GPM6B: variants seen among roughly 807,000 people sequenced by gnomAD.
GPM6B encodes neuronal membrane glycoprotein M6-b.
A neutral mutation model predicts 27.2 loss-of-function variants in GPM6B; 4 were observed. The observed-to-expected ratio is 0.15, with a 90% CI of 0.07 to 0.34. The LOEUF (loss-of-function observed/expected upper bound fraction) is 0.34, where lower values mean the gene tolerates loss of function less well. Ranked by LOEUF, GPM6B falls within the 10% of genes least tolerant of loss-of-function variation. The pLI is 1.00. For synonymous variants in GPM6B, 124 were observed against 103.1 expected (o/e 1.20, Z -1.23); for missense variants, 183 against 261.9 (o/e 0.70, Z 2.08).
intron 1 of GPM6B, among the ~76,000 whole-genome samples, chrX:13,869,789 T>G (rs756727895): frequency 8.9e-6 from 1 of 112,612 alleles, no homozygotes; most frequent in East Asian, 2.8e-4. Flanking sequence ...GTTAACATCT[T>G]ACATAACTAC....
intron 1 of GPM6B, among the ~76,000 whole-genome samples, chrX:13,865,559 A>AAAAGAAAGAAAG (rs1555923732): frequency 5.7e-5 from 3 of 52,927 alleles, no homozygotes; most frequent in Admixed American, 2.4e-4. Context: ...AAAAAAAAAA[A>AAAAGAAAGAAAG]AAAGAAAGAA....
At chrX:13,841,304 C>A (rs191857135) in intron 1 of GPM6B, among the ~76,000 whole-genome samples, 9 of 111,933 alleles carry the variant, frequency 8.0e-5, no homozygotes, top group Non-Finnish European at 1.7e-4. Context: ...CATCACTACC[C>A]TTCCAACATC....
chrX:13,832,324 G>A (rs955622501), intron 1 of GPM6B, among the ~76,000 whole-genome samples: 5 of 112,302 alleles, frequency 4.5e-5, no homozygotes, highest in African/African-American at 1.6e-4. Flanking sequence ...ATTTACAGAA[G>A]AACGTGACTA....
At chrX:13,903,634 G>A (rs1166122468) in intron 1 of GPM6B, among the ~76,000 whole-genome samples, 1 of 112,155 alleles carries the variant, frequency 8.9e-6, no homozygotes, top group Non-Finnish European at 1.9e-5. Flanking sequence ...CATGAACACC[G>A]TCATCCAACA....
At chrX:13,863,606 G>T (rs960086796) in intron 1 of GPM6B, among the ~76,000 whole-genome samples, 1 of 112,006 alleles carries the variant, frequency 8.9e-6, no homozygotes. Context: ...GAGAAAGGTT[G>T]TTCTTTCTCC....
At chrX:13,875,935 T>A (rs11095630) in intron 1 of GPM6B, among the ~76,000 whole-genome samples, 23,822 of 111,372 alleles carry the variant, frequency 0.21, 2,205 homozygotes, top group East Asian at 0.63. Context: ...GTCCTAGAAC[T>A]AGATAGTGAT....
At chrX:13,908,262 A>G (rs1203617495) in intron 1 of GPM6B, among the ~76,000 whole-genome samples, 1 of 111,663 alleles carries the variant, frequency 9.0e-6, no homozygotes, top group Non-Finnish European at 1.9e-5. Context: ...CCTTAACCAA[A>G]TGATCAGGAT....
rs1294818370 is a variant in GPM6B at position 13,875,455 on chromosome X, G to T, written c.-198+62872C>A. ...AGAGGAGGACTGGCATGAGCAAAAGGCCGCACGGGTAGCTCCTCAAGAAGT... is the reference window on the plus strand; with the variant it reads ...AGAGGAGGACTGGCATGAGCAAAAGTCCGCACGGGTAGCTCCTCAAGAAGT... On this transcript the variant is annotated intron_variant, in intron 1 of 6. Coordinates refer to the GPM6B transcript ENST00000398361. Among the ~76,000 whole-genome samples, 4 of 111,472 alleles carry T rather than the reference G, an allele frequency of 3.6e-5. No homozygotes were observed. The Admixed American group carries it at 3.8e-4, about 11-fold the overall frequency.
At chrX:13,797,150 C>G (rs531472662) in intron 2 of GPM6B, among the ~76,000 whole-genome samples, 50 of 112,465 alleles carry the variant, frequency 4.4e-4, no homozygotes, top group African/African-American at 1.5e-3. Flanking sequence ...GGATTCCATT[C>G]CATTCAATGA....
At chrX:13,897,524 T>C (rs1447990369) in intron 1 of GPM6B, among the ~76,000 whole-genome samples, 2 of 112,071 alleles carry the variant, frequency 1.8e-5, no homozygotes, top group Non-Finnish European at 1.9e-5. Context: ...TGCTGCCACA[T>C]GTACATCCCA....
intron 2 of GPM6B, among the ~76,000 whole-genome samples, chrX:13,791,845 A>C (rs770043707): frequency 9.9e-5 from 11 of 110,634 alleles, no homozygotes; most frequent in Admixed American, 8.7e-4. Context: ...GGCAGGAACA[A>C]GGGCTCAGAT....
upstream of GPM6B, among the ~76,000 whole-genome samples, chrX:13,818,137 A>G (rs1419973537): frequency 8.9e-6 from 1 of 112,327 alleles, no homozygotes; most frequent in Non-Finnish European, 1.9e-5. Context: ...ATTATGAGCC[A>G]TGTTTCCAAG....
intron 7 of GPM6B, chrX:13,774,581 T>G: frequency 8.3e-7 from 1 of 1,209,861 alleles, no homozygotes; most frequent in Non-Finnish European, 1.1e-6. Flanking sequence ...ACTCTTAAAC[T>G]TCAAAACCGC....
chrX:13,822,388 C>T (rs1377728877), intron 1 of GPM6B, among the ~76,000 whole-genome samples: 2 of 108,471 alleles, frequency 1.8e-5, no homozygotes, highest in African/African-American at 6.7e-5. Context: ...TTTTCTGAGA[C>T]GGAGTCTCGC....
rs745601494 is a variant in GPM6B, at chrX:13,779,846, C to T, written c.669G>A (p.Glu223=). Reference sequence around the variant, plus strand: ...ATTGTCGGATATCCACACAGATCTGCTCCACACCCGTGGTCCCGTTGGTCT... The same window carrying T: ...ATTGTCGGATATCCACACAGATCTGTTCCACACCCGTGGTCCCGTTGGTCT... ...SPQTNGTTGV[E]QICVDIRQYG... is the part of the protein sequence containing the mutation. The change falls in exon 5 of 8, where the codon GAG becomes GAA. Residue 223 remains glutamate, a synonymous_variant. Transcript: ENST00000316715. 2.5e-6 allele frequency: 3 copies of T among 1,191,961 alleles called. No homozygotes were observed. Among genetic ancestry groups the T allele is most frequent in the Non-Finnish European group, 2.3e-6 (2 of 880,565 alleles).
chrX:13,927,846 C>T (rs901100122), intron 1 of GPM6B, among the ~76,000 whole-genome samples: 2 of 112,179 alleles, frequency 1.8e-5, no homozygotes, highest in African/African-American at 6.5e-5. Flanking sequence ...ATCTCTCCAG[C>T]TGTATACATG....
chrX:13,816,177 T>A (rs774768562), intron 1 of GPM6B, among the ~76,000 whole-genome samples: 88 of 111,876 alleles, frequency 7.9e-4, no homozygotes, highest in African/African-American at 2.7e-3. Flanking sequence ...ATGAAAATTG[T>A]GGTACGTTCT....
chrX:13,933,212 G>C (rs1288554465), intron 1 of GPM6B, among the ~76,000 whole-genome samples: 1 of 111,215 alleles, frequency 9.0e-6, no homozygotes, highest in Non-Finnish European at 1.9e-5. Context: ...TGAACATTGG[G>C]GTATAACAAT....
chrX:13,779,716 G>A lies in GPM6B; in HGVS notation c.697+102C>T, dbSNP rs763360720. 5 of 670,212 alleles carry A rather than the reference G, an allele frequency of 7.5e-6. No homozygotes were observed. In the African/African-American group the frequency reaches 1.1e-4, roughly 15 times the overall value. 55.2% of individuals were successfully genotyped at this position (670,212 alleles called of 1,213,427 possible). A position where few individuals can be genotyped will look rare whatever the true frequency, so the allele number is the denominator to read the frequency against. ...TTACTCTAATAGAAGGGATGAAACA[G>A]ATCATGACAATTAAAAGGATGCGCA... On this transcript the variant is annotated intron_variant, in intron 5 of 7. Transcript: ENST00000316715.
Sources: allele counts gnomAD v4.1 joint callset (sites outside exome capture counted in the v4.1 genomes callset), GRCh38; gene constraint gnomAD v4.1.1; transcripts MANE v1.5; gene names NCBI Gene and HGNC (gene_info 2026-07-23, HGNC 2026-07-21).